ABI3BP: variants seen among roughly 807,000 people sequenced by gnomAD.
ABI3BP encodes the protein target of Nesh-SH3.
In ABI3BP, 216 loss-of-function variants were observed where a neutral mutation model predicts 268.6. The ratio of observed to expected loss-of-function variants is 0.80; its 90% CI spans 0.72 to 0.90. ABI3BP has a LOEUF of 0.90. Among genes scored for constraint, ABI3BP ranks in the 40% least tolerant of loss-of-function variants. The pLI, the probability that ABI3BP is intolerant of heterozygous loss-of-function variation, is 0.00. For missense variants in ABI3BP, 2,090 were observed against 2,182.4 expected, an observed-to-expected ratio of 0.96 and a Z score of 0.84; for synonymous variants, 730 against 730.0, an observed-to-expected ratio of 1.00 and a Z score of 0.00.
At chr3:100,936,559 T>A (rs902032890) in intron 1 of ABI3BP, among the ~76,000 whole-genome samples, 1 of 152,160 alleles carries the variant, frequency 6.6e-6, no homozygotes, top group Non-Finnish European at 1.5e-5. Flanking sequence ...TGGTACCAGC[T>A]CCTCTTTGTA....
chr3:100,982,654 A>G (rs1293880488), intron 1 of ABI3BP, among the ~76,000 whole-genome samples: 1 of 152,090 alleles, frequency 6.6e-6, no homozygotes, highest in Non-Finnish European at 1.5e-5. Flanking sequence ...CAAATTAGGT[A>G]AACCTGATAT....
At position 100,841,992 on chromosome 3, in the gene ABI3BP, T is replaced by G. The variant is rs1650397178; in HGVS notation, c.1765+6A>C. On this transcript the variant is annotated splice_donor_region_variant and intron_variant, in intron 21 of 67. Coordinates refer to ENST00000471714, the MANE Select transcript of ABI3BP (RefSeq NM_001375547.2). ...TGTTTTCACTCATTAAAAAAAGCTT[T>G]ATTACCTATTGTTGACTGTGATGGC... 13 of 1,530,522 alleles carry G rather than the reference T, an allele frequency of 8.5e-6. No homozygotes were observed. Among genetic ancestry groups the G allele is most frequent in the Non-Finnish European group, 1.1e-5 (13 of 1,142,022 alleles). The allele number at this position is 1,530,522 out of a possible 1,614,324, so 94.8% of individuals were successfully genotyped here.
intron 28 of ABI3BP, 116 bp from the exon 29 acceptor site, chr3:100,834,889 GT>G: frequency 1.0e-6 from 1 of 985,878 alleles, no homozygotes; most frequent in Non-Finnish European, 1.5e-6. Context: ...TGTCTCTTTG[GT>G]TTAGAATTTT....
chr3:100,841,980 TA>T lies in ABI3BP; in HGVS notation c.1765+17del, dbSNP rs1172377473. The T allele has an allele frequency of 3.2e-5, 48 of 1,522,694 alleles. No homozygotes were observed. Among genetic ancestry groups the T allele is most frequent in the Middle Eastern group, 1.7e-4 (1 of 5,966 alleles). The allele number at this position is 1,522,694 out of a possible 1,614,324, so 94.3% of individuals were successfully genotyped here. A position where few individuals can be genotyped will look rare whatever the true frequency, so the allele number is the denominator to read the frequency against. ...TTAAAGATACTTTGTTTTCACTCAT[TA>T]AAAAAAGCTTTATTACCTATTGTTG... On this transcript the variant is annotated intron_variant, in intron 21 of 67. Coordinates refer to ENST00000471714, the MANE Select transcript of ABI3BP (RefSeq NM_001375547.2).
intron 2 of ABI3BP, among the ~76,000 whole-genome samples, chr3:100,908,529 T>C (rs2054640091): frequency 1.3e-5 from 2 of 151,728 alleles, no homozygotes. Flanking sequence ...GCCCAAAATC[T>C]CCTTAAGCTG....
At chr3:100,885,478 C>T in intron 6 of ABI3BP, 58 bp downstream of exon 6, 1 of 1,006,844 alleles carries the variant, frequency 9.9e-7, no homozygotes, top group Non-Finnish European at 1.4e-6. Context: ...AAGACTATTT[C>T]CTTAACAATG....
intron 1 of ABI3BP, among the ~76,000 whole-genome samples, chr3:100,939,486 G>A (rs2067852996): frequency 6.6e-6 from 1 of 151,986 alleles, no homozygotes; most frequent in Admixed American, 6.6e-5. Flanking sequence ...TGGGCATCCG[G>A]GGAAGACATC....
intron 48 of ABI3BP, among the ~76,000 whole-genome samples, chr3:100,810,855 G>A (rs1560323004): frequency 6.6e-6 from 1 of 152,214 alleles, no homozygotes; most frequent in East Asian, 1.9e-4. Context: ...ACTGTGATGG[G>A]ATAAGTGTTA....
At chr3:100,783,877 G>A (rs1263506336) in intron 57 of ABI3BP, among the ~76,000 whole-genome samples, 1 of 152,202 alleles carries the variant, frequency 6.6e-6, no homozygotes, top group African/African-American at 2.4e-5. Flanking sequence ...CCCTTGGCCT[G>A]GTGTGTGCAT....
chr3:100,959,706 A>G (rs2078272942), intron 1 of ABI3BP, among the ~76,000 whole-genome samples: 1 of 152,120 alleles, frequency 6.6e-6, no homozygotes, highest in Admixed American at 6.5e-5. Context: ...GACATTAAAA[A>G]AAATACTCTC....
chr3:100,975,804 T>TA lies in ABI3BP; in HGVS notation c.79+17501dup, dbSNP rs578029748. Among the ~76,000 whole-genome samples the TA allele has an allele frequency of 8.9e-4, 135 of 151,682 alleles. 1 individual carries two copies. The highest frequency in any genetic ancestry group is 3.0e-3 in the African/African-American group (125 of 41,316). ...CTGAATGATGATACATACTAGTAAA[T>TA]AAAAAAACCCCACCCTGAAATATAA... On this transcript the variant is annotated intron_variant, in intron 1 of 67. Transcript: ENST00000471714.
intron 31 of ABI3BP, among the ~76,000 whole-genome samples, chr3:100,831,478 A>G (rs2098492879): frequency 6.6e-6 from 1 of 152,160 alleles, no homozygotes; most frequent in Non-Finnish European, 1.5e-5. Flanking sequence ...CTGAAGAACC[A>G]ACTCTCAGTT....
intron 9 of ABI3BP, 71 bp downstream of exon 9, chr3:100,874,770 T>C (rs2099143831): frequency 1.5e-5 from 14 of 922,204 alleles, no homozygotes; most frequent in Non-Finnish European, 2.1e-5. Flanking sequence ...CAAGATTCTT[T>C]GGATTTCCTA....
chr3:100,750,157 T>A lies in ABI3BP; in HGVS notation c.*338A>T. ...AAATTTTTTTTAAAAAGTATATACCTTTTTGATGTTAATTTTGTTATAAAA... is the reference window on the plus strand; with the variant it reads ...AAATTTTTTTTAAAAAGTATATACCATTTTGATGTTAATTTTGTTATAAAA... On this transcript the variant is annotated 3_prime_UTR_variant, in exon 68 of 68. Coordinates refer to ENST00000471714, the MANE Select transcript of ABI3BP (RefSeq NM_001375547.2). 4.6e-6 allele frequency: 1 copy of A among 218,016 alleles called. No individual in the cohort carries two copies. The highest frequency in any genetic ancestry group is 2.3e-5 in the African/African-American group (1 of 44,368). The allele number at this position is 218,016 out of a possible 1,614,324, so 13.5% of individuals were successfully genotyped here.
At chr3:100,974,994 G>A (rs1429659735) in intron 1 of ABI3BP, among the ~76,000 whole-genome samples, 11 of 151,874 alleles carry the variant, frequency 7.2e-5, no homozygotes, top group East Asian at 1.9e-4. Context: ...AGACAGTCTC[G>A]GCAAAAAAGC....
rs745706400 is a variant in ABI3BP, at chr3:100,902,631, C to T, written c.315G>A (p.Lys105=). The T allele has an allele frequency of 4.3e-5, 70 of 1,613,782 alleles. No homozygotes were observed. The highest frequency in any genetic ancestry group is 5.6e-5 in the Non-Finnish European group (66 of 1,179,846). Residue 105 remains lysine (K), a synonymous_variant, in exon 3 of 68, where the codon AAG becomes AAA. Transcript: ENST00000471714. ...VVRPAPPPSQ[K]KSCSGKTRSR... is the part of the protein sequence containing the mutation. ...AAAGGACTATACCTGAACATGACTT[C>T]TTTTGACTTGGAGGTGGAGCAGGTC...
At chr3:100,982,408 G>A (rs1302355926) in intron 1 of ABI3BP, among the ~76,000 whole-genome samples, 1 of 152,044 alleles carries the variant, frequency 6.6e-6, no homozygotes, top group East Asian at 1.9e-4. Flanking sequence ...GTTAATGAAA[G>A]CTAAAGAGGA....
chr3:100,876,205 G>A (rs758459915), intron 7 of ABI3BP, among the ~76,000 whole-genome samples: 5 of 152,040 alleles, frequency 3.3e-5, no homozygotes, highest in East Asian at 1.9e-4. Context: ...GGGTTTCTTC[G>A]GGTATGACAA....
At chr3:100,830,698 A>C in intron 31 of ABI3BP, 64 bp from the exon 32 acceptor site, 1 of 1,339,362 alleles carries the variant, frequency 7.5e-7, no homozygotes, top group Non-Finnish European at 1.0e-6. Flanking sequence ...TGGAACATTC[A>C]TCTTACCACC....
Sources: allele counts gnomAD v4.1 joint callset (sites outside exome capture counted in the v4.1 genomes callset), GRCh38; gene constraint gnomAD v4.1.1; transcripts MANE v1.5; gene names NCBI Gene and HGNC (gene_info 2026-07-23, HGNC 2026-07-21).